The following ARFGEF2 variants were observed in gnomAD, a reference collection of about 807,000 sequenced individuals.
ARFGEF2 encodes ARF guanine nucleotide exchange factor 2.
Under a neutral mutation model 219.9 loss-of-function variants are expected in ARFGEF2, and 74 were observed. The observed-to-expected ratio is 0.34, with a 90% confidence interval of 0.28 to 0.41. ARFGEF2 has a LOEUF of 0.41. Among genes scored for constraint, ARFGEF2 ranks in the 10% least tolerant of loss-of-function variants. The pLI is 1.00. For missense variants in ARFGEF2, 1,743 were observed against 2,218.3 expected, an observed-to-expected ratio of 0.79 and a Z score of 4.30; for synonymous variants, 733 against 799.2, an observed-to-expected ratio of 0.92 and a Z score of 1.40.
At chr20:48,929,935 T>C (rs2090902904) in intron 1 of ARFGEF2, among the ~76,000 whole-genome samples, 1 of 152,196 alleles carries the variant, frequency 6.6e-6, no homozygotes, top group Non-Finnish European at 1.5e-5. Context: ...TGAAGAGTTT[T>C]AAACCGGGAA....
intron 1 of ARFGEF2, among the ~76,000 whole-genome samples, chr20:48,928,315 C>A (rs2090891199): frequency 1.4e-5 from 2 of 143,780 alleles, no homozygotes; most frequent in Admixed American, 1.4e-4. Context: ...TCTCCTGCCT[C>A]AGCCTCCCGA....
chr20:48,966,171 AT>A, intron 8 of ARFGEF2, 148 bp downstream of exon 8: 1 of 1,002,536 alleles, frequency 1.0e-6, no homozygotes, highest in Non-Finnish European at 1.5e-6. Context: ...TATTCTTTGT[AT>A]TAGCAGGTTC....
chr20:48,930,233 A>G (rs58624080), intron 1 of ARFGEF2, among the ~76,000 whole-genome samples: 97 of 152,334 alleles, frequency 6.4e-4, no homozygotes, highest in African/African-American at 2.2e-3. Context: ...TATCAGGAGC[A>G]CACTCATGCA....
At chr20:49,011,555 C>G (rs563425915) in intron 27 of ARFGEF2, among the ~76,000 whole-genome samples, 1 of 152,294 alleles carries the variant, frequency 6.6e-6, no homozygotes, top group South Asian at 2.1e-4. Context: ...TCTGGACTGA[C>G]CAGGAGTCCT....
chr20:48,929,946 G>A (rs2090902962), intron 1 of ARFGEF2, among the ~76,000 whole-genome samples: 1 of 152,192 alleles, frequency 6.6e-6, no homozygotes, highest in Non-Finnish European at 1.5e-5. Context: ...AAACCGGGAA[G>A]CAGGTGATAG....
In ARFGEF2 at chr20:49,005,754, A is replaced by G. The variant is rs550987508; in HGVS notation, c.3584+533A>G. Among the ~76,000 whole-genome samples the G allele has an allele frequency of 1.6e-3, 237 of 150,934 alleles. 2 individuals carry two copies. The highest frequency in any genetic ancestry group is 5.1e-3 in the African/African-American group (209 of 41,238). ...CTCCGTCTCAAAAAAAAAAAAAAAAAAAAAGAAAAGAAATATGTCATGAAC... is the reference window on the plus strand; with the variant it reads ...CTCCGTCTCAAAAAAAAAAAAAAAAGAAAAGAAAAGAAATATGTCATGAAC... On this transcript the variant is annotated intron_variant, in intron 26 of 38. Coordinates refer to ENST00000371917, the MANE Select transcript of ARFGEF2 (RefSeq NM_006420.3).
intron 18 of ARFGEF2, among the ~76,000 whole-genome samples, chr20:48,989,026 A>T (rs370878654): frequency 1.8e-4 from 28 of 152,148 alleles, no homozygotes; most frequent in Admixed American, 4.6e-4. Context: ...AGTGGTTTAG[A>T]GTGTGGCTCT....
chr20:48,941,089 A>G (rs539444448), intron 1 of ARFGEF2, 110 bp from the exon 2 acceptor site: 1 of 994,280 alleles, frequency 1.0e-6, no homozygotes, highest in African/African-American at 1.6e-5. Flanking sequence ...TTTTGTATTT[A>G]AACATCTCGT....
intron 26 of ARFGEF2, among the ~76,000 whole-genome samples, chr20:49,006,643 C>T (rs913013597): frequency 6.6e-6 from 1 of 152,250 alleles, no homozygotes; most frequent in African/African-American, 2.4e-5. Context: ...TGAGAGTGGC[C>T]ATATGCTGCC....
chr20:49,012,164 G>A (rs891827059), intron 28 of ARFGEF2, 80 bp downstream of exon 28: 15 of 1,574,078 alleles, frequency 9.5e-6, no homozygotes, highest in Non-Finnish European at 1.3e-5. Context: ...CTAACAAAGA[G>A]CTTTCCAGCT....
chr20:48,963,977 A>T, intron 7 of ARFGEF2, 79 bp downstream of exon 7: 1 of 1,338,238 alleles, frequency 7.5e-7, no homozygotes, highest in South Asian at 1.2e-5. Context: ...TTAGTGGTGG[A>T]GTTTCCTCTT....
At chr20:48,940,058 G>T (rs543650145) in intron 1 of ARFGEF2, among the ~76,000 whole-genome samples, 1 of 152,246 alleles carries the variant, frequency 6.6e-6, no homozygotes, top group Admixed American at 6.5e-5. Context: ...GTGGATGTGG[G>T]GTAATTCTGT....
At chr20:48,922,034 C>T in intron 1 of ARFGEF2, 24 bp downstream of exon 1, 1 of 1,567,972 alleles carries the variant, frequency 6.4e-7, no homozygotes, top group Non-Finnish European at 8.6e-7. Context: ...TCCCGCCCTG[C>T]CCCGCGCTGG....
intron 16 of ARFGEF2, among the ~76,000 whole-genome samples, chr20:48,988,002 G>C (rs551110653): frequency 6.6e-6 from 1 of 152,218 alleles, no homozygotes; most frequent in East Asian, 1.9e-4. Context: ...TGGCCAGGCT[G>C]GTCTCGAACT....
intron 25 of ARFGEF2, among the ~76,000 whole-genome samples, chr20:49,002,680 C>T (rs988134762): frequency 3.3e-5 from 5 of 151,538 alleles, no homozygotes; most frequent in East Asian, 1.9e-4. Context: ...GGCAAAATGT[C>T]GGCTCACTGC....
In ARFGEF2 at chr20:48,991,153, A is replaced by G; in HGVS notation, c.2928A>G (p.Thr976=). 1 of 1,614,210 alleles carries G rather than the reference A, an allele frequency of 6.2e-7. No homozygotes were observed. Among genetic ancestry groups the G allele is most frequent in the Non-Finnish European group, 8.5e-7 (1 of 1,180,038 alleles). The change falls in exon 21 of 39, where the codon ACA becomes ACG. Residue 976 remains threonine, a synonymous_variant. Coordinates refer to ENST00000371917, the MANE Select transcript of ARFGEF2 (RefSeq NM_006420.3). ...KNIDTIKTLI[T]VAHTDGNYLG... is the part of the protein sequence containing the mutation. ...TCGACACCATTAAGACGCTTATCACAGTGGCTCACACCGATGGCAACTACC... is the reference window on the plus strand; with the variant it reads ...TCGACACCATTAAGACGCTTATCACGGTGGCTCACACCGATGGCAACTACC...
rs370018111 is a variant in ARFGEF2, at chr20:48,982,415, C to T, written c.1959-2314C>T. Among the ~76,000 whole-genome samples, 14 of 152,316 alleles carry T rather than the reference C, an allele frequency of 9.2e-5. No homozygotes were observed. The South Asian group carries it at 1.7e-3, about 18-fold the overall frequency. The stretch of plus-strand genomic sequence containing the variant: ...GCACCCGCCTGTATGAGGTGTCAGT[C>T]GGCCCTTTCTGGGAGGTGTCTCCCA... On this transcript the variant is annotated intron_variant, in intron 14 of 38. Coordinates refer to ENST00000371917, the MANE Select transcript of ARFGEF2 (RefSeq NM_006420.3).
intron 3 of ARFGEF2, among the ~76,000 whole-genome samples, chr20:48,950,831 T>A (rs200020342): frequency 2.6e-4 from 34 of 131,302 alleles, no homozygotes; most frequent in African/African-American, 7.8e-4. Flanking sequence ...TATATATATA[T>A]ATATATATAT....
intron 15 of ARFGEF2, 134 bp from the exon 16 acceptor site, chr20:48,985,274 C>G (rs182815239): frequency 3.1e-5 from 29 of 941,860 alleles, no homozygotes; most frequent in Non-Finnish European, 4.5e-5. Flanking sequence ...AGGGAGTTCC[C>G]TAGCTTTTTT....
Sources: gnomAD v4.1 joint callset for allele counts (sites outside exome capture counted in the v4.1 genomes callset) on GRCh38, gnomAD v4.1.1 for gene constraint, MANE v1.5 for transcripts, NCBI Gene and HGNC (gene_info 2026-07-23, HGNC 2026-07-21) for gene names.